Variants in CTNNA3 observed in about 807,000 individuals in gnomAD.
CTNNA3 encodes catenin alpha 3.
Under a neutral mutation model 95.7 loss-of-function variants are expected in CTNNA3, and 76 were observed. That is an observed-to-expected ratio of 0.79 (90% CI 0.66 to 0.96). The LOEUF is 0.96. Among genes scored for constraint, CTNNA3 ranks in the 40% least tolerant of loss-of-function variants. The probability of loss-of-function intolerance (pLI) is 0.00; values close to 1 mark genes in which losing one functional copy is unlikely to be tolerated. For missense variants in CTNNA3, 1,191 were observed against 1,089.8 expected (o/e 1.09, Z -1.31); for synonymous variants, 431 against 374.4 (o/e 1.15, Z -1.74).
intron 5 of CTNNA3, among the ~76,000 whole-genome samples, chr10:67,422,083 C>T (rs1845766856): frequency 6.6e-6 from 1 of 151,718 alleles, no homozygotes; most frequent in Non-Finnish European, 1.5e-5. Flanking sequence ...AGAAAATCTT[C>T]CACATTAAAT....
chr10:67,105,624 G>T (rs1858590446), intron 7 of CTNNA3, among the ~76,000 whole-genome samples: 1 of 152,070 alleles, frequency 6.6e-6, no homozygotes, highest in Non-Finnish European at 1.5e-5. Flanking sequence ...GTGAAAGATT[G>T]GTCACCGCTG....
intron 1 of CTNNA3, among the ~76,000 whole-genome samples, chr10:67,659,548 C>T (rs1840119686): frequency 2.0e-5 from 3 of 152,126 alleles, no homozygotes; most frequent in Non-Finnish European, 2.9e-5. Context: ...AGGTTACCTA[C>T]ATATTTTTTA....
intron 7 of CTNNA3, among the ~76,000 whole-genome samples, chr10:66,958,012 G>C (rs1848912216): frequency 6.6e-6 from 1 of 151,852 alleles, no homozygotes; most frequent in Admixed American, 6.6e-5. Context: ...ACAGAGGAAG[G>C]GTACATAGAA....
intron 14 of CTNNA3, among the ~76,000 whole-genome samples, chr10:66,076,731 A>G (rs2080569924): frequency 6.6e-6 from 1 of 151,718 alleles, no homozygotes; most frequent in Non-Finnish European, 1.5e-5. Flanking sequence ...AAATATAATA[A>G]TGATAGTGAT....
chr10:65,986,338 A>ACC (rs1564559546), intron 16 of CTNNA3, among the ~76,000 whole-genome samples: 2 of 145,952 alleles, frequency 1.4e-5, no homozygotes, highest in African/African-American at 2.5e-5. Flanking sequence ...AAAAAAAAAA[A>ACC]CTCTTAGATT....
At chr10:67,324,878 T>C (rs1841478888) in intron 5 of CTNNA3, among the ~76,000 whole-genome samples, 1 of 152,166 alleles carries the variant, frequency 6.6e-6, no homozygotes, top group African/African-American at 2.4e-5. Flanking sequence ...TTCTTGGCTT[T>C]TTTGATTGAT....
At chr10:66,323,905 GC>G (rs2092221955) in intron 12 of CTNNA3, among the ~76,000 whole-genome samples, 1 of 152,020 alleles carries the variant, frequency 6.6e-6, no homozygotes, top group Non-Finnish European at 1.5e-5. Context: ...ATGTCTGAGT[GC>G]TGAGAGGAGT....
At chr10:66,312,569 A>T (rs1229504546) in intron 12 of CTNNA3, among the ~76,000 whole-genome samples, 2 of 150,664 alleles carry the variant, frequency 1.3e-5, no homozygotes, top group Non-Finnish European at 3.0e-5. Context: ...TTTTTTTTAG[A>T]CAGAGTCTCA....
chr10:66,513,672 G>C (rs1032584782), intron 11 of CTNNA3, among the ~76,000 whole-genome samples: 2 of 152,194 alleles, frequency 1.3e-5, no homozygotes, highest in African/African-American at 4.8e-5. Context: ...GTTCATGGCA[G>C]TAGGTCACAA....
rs1237029674 is a variant in CTNNA3 at position 67,180,532 on chromosome 10, AC to A, written c.844-13del. On this transcript the variant is annotated splice_polypyrimidine_tract_variant and intron_variant, in intron 6 of 17. Coordinates refer to ENST00000433211, the MANE Select transcript of CTNNA3 (RefSeq NM_013266.4). ...AGGACAATTAAATTCTAAGAGAAGAACACATTTGTATGGTTAGAGCTCCATG... is the reference window on the plus strand; with the variant it reads ...AGGACAATTAAATTCTAAGAGAAGAAACATTTGTATGGTTAGAGCTCCATG... 2 of 1,601,050 alleles carry A rather than the reference AC, an allele frequency of 1.2e-6. No homozygotes were observed. Among genetic ancestry groups the A allele is most frequent in the South Asian group, 2.2e-5 (2 of 90,816 alleles).
intron 15 of CTNNA3, among the ~76,000 whole-genome samples, chr10:66,051,143 G>A (rs905121842): frequency 1.3e-5 from 2 of 152,154 alleles, no homozygotes; most frequent in Admixed American, 6.5e-5. Flanking sequence ...CCAAAGTGCT[G>A]AGAATAGAGG....
chr10:65,953,240 A>C (rs1485173939), intron 17 of CTNNA3, among the ~76,000 whole-genome samples: 2 of 152,214 alleles, frequency 1.3e-5, no homozygotes, highest in Non-Finnish European at 2.9e-5. Context: ...GAGGTAAGTC[A>C]GATACATTTT....
chr10:66,956,248 G>A (rs576145493), intron 7 of CTNNA3, among the ~76,000 whole-genome samples: 2 of 151,222 alleles, frequency 1.3e-5, no homozygotes, highest in South Asian at 2.1e-4. Flanking sequence ...TCTAGGATGC[G>A]TTTCAATAAG....
intron 13 of CTNNA3, among the ~76,000 whole-genome samples, chr10:66,199,954 T>C (rs547762030): frequency 1.3e-5 from 2 of 149,176 alleles, no homozygotes; most frequent in Non-Finnish European, 3.0e-5. Context: ...GCCCAGCCAA[T>C]AGTTATCTTT....
intron 7 of CTNNA3, among the ~76,000 whole-genome samples, chr10:66,777,801 A>G (rs866901428): frequency 7.0e-5 from 10 of 142,024 alleles, no homozygotes; most frequent in African/African-American, 2.7e-4. Flanking sequence ...ACACACATGC[A>G]CACACACACA....
At chr10:66,113,660 T>C (rs1180530812) in intron 13 of CTNNA3, among the ~76,000 whole-genome samples, 2 of 152,222 alleles carry the variant, frequency 1.3e-5, no homozygotes, top group African/African-American at 4.8e-5. Context: ...AACTTTAGAA[T>C]TTTATGATAG....
chr10:66,201,875 A>G (rs1336021846), intron 13 of CTNNA3, among the ~76,000 whole-genome samples: 1 of 118,056 alleles, frequency 8.5e-6, no homozygotes, highest in Admixed American at 1.1e-4. Flanking sequence ...TGTGATCTCC[A>G]CCTCCTGGGT....
chr10:66,205,252 T>G (rs7914680), intron 13 of CTNNA3, among the ~76,000 whole-genome samples: 60,516 of 151,766 alleles, frequency 0.4, 13,777 homozygotes, highest in African/African-American at 0.63. Flanking sequence ...GTGACTTTAA[T>G]TGAAACAATG....
At chr10:66,061,803 C>T (rs1384503902) in intron 15 of CTNNA3, among the ~76,000 whole-genome samples, 2 of 152,092 alleles carry the variant, frequency 1.3e-5, no homozygotes, top group African/African-American at 4.8e-5. Context: ...TTCATTTGTT[C>T]ATACTTTTTC....
Sources: allele counts gnomAD v4.1 joint callset (sites outside exome capture counted in the v4.1 genomes callset), GRCh38; gene constraint gnomAD v4.1.1; transcripts MANE v1.5; gene names NCBI Gene and HGNC (gene_info 2026-07-23, HGNC 2026-07-21).